The following LRRC56 variants were observed in gnomAD, a reference collection of about 807,000 sequenced individuals.
LRRC56 encodes the protein leucine-rich repeat-containing protein 56.
A neutral mutation model predicts 47.8 loss-of-function variants in LRRC56; 41 were observed. That is an observed-to-expected ratio of 0.86 (90% confidence interval 0.67 to 1.11). The LOEUF (loss-of-function observed/expected upper bound fraction) is 1.11. Among genes scored for constraint, LRRC56 ranks in the 50% most tolerant of loss-of-function variants. The pLI is 0.00. For synonymous variants in LRRC56, 387 were observed against 311.2 expected (o/e 1.24, Z -2.56); for missense variants, 759 against 704.2 (o/e 1.08, Z -0.88).
rs1205425679 is a variant in LRRC56, at chr11:544,646, C to G, written c.266-74C>G. On this transcript the variant is annotated intron_variant, in intron 5 of 13. Coordinates refer to ENST00000270115, the MANE Select transcript of LRRC56 (RefSeq NM_198075.4). ...AGTGAGGGGCCGGGGGTGCTGATGC[C>G]TAGGGGTGAAGGAGGGTGCAGAGGT... The G allele has an allele frequency of 2.0e-6, 3 of 1,498,502 alleles. No individual in the cohort carries two copies. The Middle Eastern group carries it at 5.2e-4, about 259-fold the overall frequency. 92.8% of individuals were successfully genotyped at this position (1,498,502 alleles called of 1,614,324 possible). A position where few individuals can be genotyped will look rare whatever the true frequency, so the allele number is the denominator to read the frequency against.
chr11:541,762 C>T lies in LRRC56; in HGVS notation c.265+138C>T, dbSNP rs912360349. On this transcript the variant is annotated intron_variant, in intron 5 of 13. Transcript: ENST00000270115. This position sits in a 1 kb window ranked among gnomAD's most constrained non-coding sequence, Gnocchi z 4.1. ...CGGCTTCCTTAGGGTTGGCCTCTGA[C>T]CTGAGGTCTGTGTCAGGTACAGGCA... 2 of 561,140 alleles carry T rather than the reference C, an allele frequency of 3.6e-6. No individual in the cohort carries two copies. Among genetic ancestry groups the T allele is most frequent in the Non-Finnish European group, 3.1e-6 (1 of 323,414 alleles). The allele number at this position is 561,140 out of a possible 1,614,324, so 34.8% of individuals were successfully genotyped here.
chr11:525,132 G>A, the LRRC56 span, among the ~76,000 whole-genome samples: 18 of 142,314 alleles, frequency 1.3e-4, no homozygotes, highest in East Asian at 2.2e-4. Context: ...GGCCGGGCGC[G>A]GTGGGTCACA....
intron 6 of LRRC56, among the ~76,000 whole-genome samples, 195 bp from the exon 7 acceptor site, chr11:549,707 C>T (rs1323416834): frequency 6.6e-6 from 1 of 152,266 alleles, no homozygotes; most frequent in Admixed American, 6.5e-5. Context: ...CAAGCCAGGC[C>T]CTCCAGGGCT....
chr11:550,995 G>T (rs1852352256), intron 8 of LRRC56, 136 bp from the exon 9 acceptor site: 3 of 549,954 alleles, frequency 5.5e-6, no homozygotes, highest in African/African-American at 2.0e-5. Context: ...ACCCCTGCAG[G>T]GTAGGCAGCA....
chr11:533,232 C>T, upstream of LRRC56: 1 of 1,491,080 alleles, frequency 6.7e-7, no homozygotes, highest in Non-Finnish European at 9.0e-7. Context: ...AGCCCAGACC[C>T]CGGCCCTCGC....
chr11:523,381 C>T, the LRRC56 span, among the ~76,000 whole-genome samples: 1 of 150,842 alleles, frequency 6.6e-6, no homozygotes, highest in African/African-American at 2.4e-5. Context: ...GCCTGTAATC[C>T]CAGCACTTTG....
intron 6 of LRRC56, 22 bp from the exon 7 acceptor site, chr11:549,880 C>T: frequency 6.2e-7 from 1 of 1,607,964 alleles, no homozygotes; most frequent in Non-Finnish European, 8.5e-7. Flanking sequence ...ACATGTTGAC[C>T]ACCAAACCCT....
the LRRC56 span, among the ~76,000 whole-genome samples, chr11:507,822 G>A: frequency 6.6e-6 from 1 of 152,346 alleles, no homozygotes; most frequent in East Asian, 1.9e-4. Flanking sequence ...CTGGCCACTG[G>A]CTGCCGCCTT....
chr11:522,094 T>C, the LRRC56 span, among the ~76,000 whole-genome samples: 1 of 152,142 alleles, frequency 6.6e-6, no homozygotes, highest in African/African-American at 2.4e-5. Context: ...ATCAATTCTT[T>C]TTTTGAAAGA....
intron 1 of LRRC56, among the ~76,000 whole-genome samples, chr11:538,117 A>G (rs980435962): frequency 6.6e-6 from 1 of 152,132 alleles, no homozygotes; most frequent in Non-Finnish European, 1.5e-5. Context: ...GGGTGAGAAC[A>G]CTAGGTGCAG....
rs1455904104 is a variant in LRRC56 at position 552,717 on chromosome 11, C to T, written c.1315+15C>T. On this transcript the variant is annotated intron_variant, in intron 13 of 13. Transcript: ENST00000270115. ...CCTGGCCTCAGGTACTGAGCCTGCCCGCCTGCCCCCCAGTGCCTGGGAGTG... is the reference window on the plus strand; with the variant it reads ...CCTGGCCTCAGGTACTGAGCCTGCCTGCCTGCCCCCCAGTGCCTGGGAGTG... 6.3e-6 allele frequency: 10 copies of T among 1,586,422 alleles called. No homozygotes were observed. Among genetic ancestry groups the T allele is most frequent in the African/African-American group, 2.7e-5 (2 of 74,234 alleles).
At chr11:510,663 A>C in the LRRC56 span, among the ~76,000 whole-genome samples, 1 of 152,196 alleles carries the variant, frequency 6.6e-6, no homozygotes, top group South Asian at 2.1e-4. Context: ...GCTTGAACCC[A>C]GGAGGCAGAG....
the LRRC56 span, among the ~76,000 whole-genome samples, chr11:526,089 C>A: frequency 6.6e-6 from 1 of 151,840 alleles, no homozygotes; most frequent in Non-Finnish European, 1.5e-5. Flanking sequence ...TGCCTGTAGT[C>A]CCAGCTACTC....
chr11:534,781 G>A (rs1851354839), upstream of LRRC56, among the ~76,000 whole-genome samples: 1 of 152,220 alleles, frequency 6.6e-6, no homozygotes, highest in African/African-American at 2.4e-5. Flanking sequence ...GTGCCAGCCT[G>A]CAGGCCCCGC....
At chr11:524,150 G>T in the LRRC56 span, among the ~76,000 whole-genome samples, 1 of 152,086 alleles carries the variant, frequency 6.6e-6, no homozygotes. Context: ...TGCACCACAC[G>T]TGGAAAAATG....
chr11:548,686 C>T (rs1307311830), intron 6 of LRRC56, among the ~76,000 whole-genome samples: 1 of 152,204 alleles, frequency 6.6e-6, no homozygotes, highest in African/African-American at 2.4e-5. Flanking sequence ...TCTAGATCTC[C>T]TGACCTCGTG....
intron 5 of LRRC56, 122 bp from the exon 6 acceptor site, chr11:544,598 G>C (rs1851980554): frequency 3.0e-6 from 3 of 993,216 alleles, no homozygotes; most frequent in Non-Finnish European, 4.7e-6. Flanking sequence ...GTGGAGGGAG[G>C]CTTGTGAGGC....
the LRRC56 span, among the ~76,000 whole-genome samples, chr11:517,732 G>A: frequency 1.1e-4 from 16 of 152,110 alleles, 1 homozygote; most frequent in Non-Finnish European, 4.4e-5. Context: ...AAAGAAAAGG[G>A]GGAAATGTGG....
rs528214941 is a variant in LRRC56 at position 548,803 on chromosome 11, G to A, written c.327-1099G>A. Among the ~76,000 whole-genome samples the A allele has an allele frequency of 2.2e-4, 34 of 152,260 alleles. No homozygotes were observed. In the South Asian group the frequency reaches 4.1e-3, roughly 19 times the overall value. ...AGAAATAACGAAGTGCTCCTTAGAC[G>A]TCGCCACAGTGGACACTGGAACGAA... On this transcript the variant is annotated intron_variant, in intron 6 of 13. Transcript: ENST00000270115.
Sources: allele counts gnomAD v4.1 joint callset (sites outside exome capture counted in the v4.1 genomes callset), GRCh38; gene constraint gnomAD v4.1.1; non-coding constraint Gnocchi (gnomAD v3.1); transcripts MANE v1.5; gene names NCBI Gene and HGNC (gene_info 2026-07-23, HGNC 2026-07-21).